The following ZNF75A variants were observed in gnomAD, a reference collection of about 807,000 sequenced individuals.
ZNF75A encodes zinc finger protein 75A.
Under a neutral mutation model 46.3 loss-of-function variants are expected in ZNF75A, and 36 were observed. The observed-to-expected ratio is 0.78, with a 90% CI of 0.60 to 1.03. The LOEUF (loss-of-function observed/expected upper bound fraction) is 1.03. Among genes scored for constraint, ZNF75A ranks in the 50% least tolerant of loss-of-function variants. ZNF75A has a pLI of 0.00. For synonymous variants in ZNF75A, 234 were observed against 189.9 expected (o/e 1.23, Z -1.91); for missense variants, 595 against 551.3 (o/e 1.08, Z -0.79).
chr16:3,315,188 GTTTTTTTTTTTT>G, intron 5 of ZNF75A: 1 of 221,914 alleles, frequency 4.5e-6, no homozygotes. Context: ...GTACTGTCAT[GTTTTTTTTTTTT>G]TTTTTTTTTG....
rs1268560914 is a variant in ZNF75A at position 3,308,674 on chromosome 16, C to T, written c.246C>T (p.His82=). ...LCHLWLKPEI[H]SKEQILELLV... Reference sequence around the variant, plus strand: ...ATCTATGGCTGAAGCCAGAGATCCACTCAAAAGAGCAGATACTGGAACTGC... The same window carrying T: ...ATCTATGGCTGAAGCCAGAGATCCATTCAAAAGAGCAGATACTGGAACTGC... The change falls in exon 2 of 7, where the codon CAC becomes CAT. Residue 82 remains histidine (H), a synonymous_variant. Coordinates refer to ENST00000669516, the MANE Select transcript of ZNF75A (RefSeq NM_001302109.2). 17 of 990,516 alleles carry T rather than the reference C, an allele frequency of 1.7e-5. No individual in the cohort carries two copies. The highest frequency in any genetic ancestry group is 6.1e-5 in the Admixed American group (1 of 16,484). 61.4% of individuals were successfully genotyped at this position (990,516 alleles called of 1,614,324 possible). A position where few individuals can be genotyped will look rare whatever the true frequency, so the allele number is the denominator to read the frequency against.
chr16:3,317,213 G>A lies in ZNF75A; in HGVS notation c.958G>A (p.Glu320Lys), dbSNP rs772349223. ...AGGGTTAAAGCTCAAAAACGACACT[G>A]AAAATCATCAGCCTGTGTCTCTTTC... is the stretch of plus-strand genomic sequence containing the variant. ...PTGLKLKNDT[E>K]NHQPVSLSDL... The change falls in exon 7 of 7, where the codon GAA becomes AAA. Residue 320 changes from glutamate to lysine, a missense_variant. By Grantham distance (56) the Glu-to-Lys change is moderately conservative. Coordinates refer to ENST00000669516, the MANE Select transcript of ZNF75A (RefSeq NM_001302109.2). 10 of 1,611,532 alleles carry A rather than the reference G, an allele frequency of 6.2e-6. No homozygotes were observed. Among genetic ancestry groups the A allele is most frequent in the East Asian group, 2.2e-5 (1 of 44,862 alleles).
At chr16:3,305,759 G>A (rs897642581) in intron 1 of ZNF75A, 116 bp downstream of exon 1, 1 of 152,272 alleles carries the variant, frequency 6.6e-6, no homozygotes, top group Non-Finnish European at 1.5e-5. Flanking sequence ...CGGGCCGCGC[G>A]GCTGGAGCCT....
chr16:3,309,721 A>T (rs984479419), intron 2 of ZNF75A, among the ~76,000 whole-genome samples: 3 of 146,624 alleles, frequency 2.0e-5, no homozygotes, highest in Non-Finnish European at 4.5e-5. Context: ...GCACCATTGC[A>T]CTCCCTTGGG....
chr16:3,315,665 G>A (rs895924893), intron 5 of ZNF75A, among the ~76,000 whole-genome samples: 5 of 152,198 alleles, frequency 3.3e-5, no homozygotes, highest in African/African-American at 1.2e-4. Flanking sequence ...AATGTCAGTA[G>A]CTTTCTAACA....
chr16:3,323,444 T>C (rs371661730), downstream of ZNF75A: 37 of 746,604 alleles, frequency 5.0e-5, no homozygotes, highest in African/African-American at 2.6e-4. Context: ...GGTGTTCTTA[T>C]TGACCTTGGC....
chr16:3,319,600 C>T (rs1961448580), downstream of ZNF75A, among the ~76,000 whole-genome samples: 2 of 152,204 alleles, frequency 1.3e-5, no homozygotes, highest in South Asian at 4.1e-4. Context: ...GTGTCAGGCA[C>T]TGTCCTATAC....
chr16:3,318,152 T>C lies in ZNF75A; in HGVS notation c.*283T>C. The C allele has an allele frequency of 8.6e-6, 10 of 1,159,436 alleles. No homozygotes were observed. The highest frequency in any genetic ancestry group is 3.4e-5 in the South Asian group (1 of 29,818). 71.8% of individuals were successfully genotyped at this position (1,159,436 alleles called of 1,614,324 possible). ...CATGGTCTTCCAAAACAAAAAGCAG[T>C]AACATGCATGTTTAATTGCATACCA... On this transcript the variant is annotated 3_prime_UTR_variant, in exon 7 of 7. Transcript: ENST00000669516.
chr16:3,311,436 TCAA>T (rs1960784718), intron 2 of ZNF75A, among the ~76,000 whole-genome samples: 1 of 134,050 alleles, frequency 7.5e-6, no homozygotes, highest in African/African-American at 3.0e-5. Flanking sequence ...AAAACTCATC[TCAA>T]AAAAAAAAAA....
At chr16:3,310,947 G>A in intron 2 of ZNF75A, 1 of 985,406 alleles carries the variant, frequency 1.0e-6, no homozygotes, top group Non-Finnish European at 1.2e-6. Context: ...TCATCTGGAG[G>A]TAGGTTGGAG....
chr16:3,310,112 T>C (rs1960633906), intron 2 of ZNF75A, among the ~76,000 whole-genome samples: 1 of 151,558 alleles, frequency 6.6e-6, no homozygotes. Flanking sequence ...AAAAATGTTT[T>C]AGGCCAGGCG....
intron 5 of ZNF75A, among the ~76,000 whole-genome samples, chr16:3,313,708 A>G (rs1175509631): frequency 6.6e-6 from 1 of 152,210 alleles, no homozygotes; most frequent in African/African-American, 2.4e-5. Flanking sequence ...TTTTCTATAC[A>G]GAAGCTAGAT....
Position 3,317,884 on chromosome 16 carries a change from A to C in ZNF75A, c.*15A>C, listed in dbSNP as rs1383922156. 6.4e-7 allele frequency: 1 copy of C among 1,574,404 alleles called. No individual in the cohort carries two copies. Among genetic ancestry groups the C allele is most frequent in the East Asian group, 2.3e-5 (1 of 44,304 alleles). ...TCCACCTGTGAAGAGAAGCTTGTCC[A>C]GTGTCCTCATTCTGAAGACATTCAC... On this transcript the variant is annotated 3_prime_UTR_variant, in exon 7 of 7. Coordinates refer to ENST00000669516, the MANE Select transcript of ZNF75A (RefSeq NM_001302109.2).
At chr16:3,314,656 C>A in intron 5 of ZNF75A, 1 of 985,180 alleles carries the variant, frequency 1.0e-6, no homozygotes, top group South Asian at 4.7e-5. Flanking sequence ...CTGTTAATTT[C>A]TTTAGCACCT....
intron 5 of ZNF75A, among the ~76,000 whole-genome samples, chr16:3,314,233 T>G (rs530988725): frequency 6.6e-6 from 1 of 152,302 alleles, no homozygotes; most frequent in African/African-American, 2.4e-5. Flanking sequence ...ATCAGGATTT[T>G]CTGTATTTTA....
Position 3,317,375 on chromosome 16 carries a change from A to G in ZNF75A, c.1120A>G (p.Lys374Glu), listed in dbSNP as rs1567273318. The G allele has an allele frequency of 3.7e-6, 6 of 1,614,156 alleles. No homozygotes were observed. Among genetic ancestry groups the G allele is most frequent in the Non-Finnish European group, 5.1e-6 (6 of 1,180,018 alleles). ...GKWHQDFPVK[K>E]RKKLSTWKQE... ...ATGGCACCAAGATTTTCCAGTGAAG[A>G]AAAGAAAGAAACTTTCAACCTGGAA... Residue 374 changes from lysine (K) to glutamate (E), a missense_variant, in exon 7 of 7, where the codon AAA becomes GAA. Lys to Glu is a moderately conservative substitution (Grantham distance 56, BLOSUM62 1). Transcript: ENST00000669516.
intron 5 of ZNF75A, among the ~76,000 whole-genome samples, chr16:3,313,721 A>G (rs888462153): frequency 5.3e-5 from 8 of 152,142 alleles, no homozygotes; most frequent in African/African-American, 2.4e-5. Flanking sequence ...AGCTAGATTG[A>G]TCTTTTAAAA....
downstream of ZNF75A, chr16:3,322,855 G>A: frequency 1.0e-6 from 1 of 974,464 alleles, no homozygotes; most frequent in Non-Finnish European, 1.2e-6. Context: ...ACTGCTCCCG[G>A]AGTCTTAGGA....
At chr16:3,313,215 A>T (rs1466478894) in intron 5 of ZNF75A, 40 bp downstream of exon 5, 5 of 1,598,244 alleles carry the variant, frequency 3.1e-6, no homozygotes, top group Non-Finnish European at 4.3e-6. Flanking sequence ...TGAGTACTCT[A>T]TTCTTGGCTT....
Sources: gnomAD v4.1 joint callset for allele counts (sites outside exome capture counted in the v4.1 genomes callset) on GRCh38, gnomAD v4.1.1 for gene constraint, MANE v1.5 for transcripts, NCBI Gene and HGNC (gene_info 2026-07-23, HGNC 2026-07-21) for gene names.